VSTM2B: variants seen among roughly 807,000 people sequenced by gnomAD.
The protein encoded by VSTM2B is V-set and transmembrane domain-containing protein 2B.
Under a neutral mutation model 24.0 loss-of-function variants are expected in VSTM2B, and 24 were observed. The observed-to-expected ratio is 1.00, with a 90% CI of 0.72 to 1.40. The LOEUF is 1.40. Ranked by LOEUF, VSTM2B falls within the 40% of genes most tolerant of loss-of-function variation. VSTM2B has a pLI of 0.00. For synonymous variants in VSTM2B, 226 were observed against 194.4 expected (o/e 1.16, Z -1.35); for missense variants, 399 against 416.4 (o/e 0.96, Z 0.36).
At chr19:29,540,182 G>T (rs375116690) in intron 4 of VSTM2B, among the ~76,000 whole-genome samples, 15 of 152,254 alleles carry the variant, frequency 9.9e-5, no homozygotes, top group African/African-American at 3.6e-4. Context: ...CGAGTGGGGG[G>T]TGGGGATTCC....
At chr19:29,534,112 G>C (rs1162082514) in intron 4 of VSTM2B, among the ~76,000 whole-genome samples, 1 of 152,214 alleles carries the variant, frequency 6.6e-6, no homozygotes, top group Non-Finnish European at 1.5e-5. Flanking sequence ...GACAGGGTTA[G>C]GGCAGCCAAC....
rs1969582133 is a variant in VSTM2B at position 29,526,820 on chromosome 19, C to A, written c.82+155C>A. 1.5e-6 allele frequency: 1 copy of A among 646,606 alleles called. No homozygotes were observed. Among genetic ancestry groups the A allele is most frequent in the African/African-American group, 1.9e-5 (1 of 51,932 alleles). The allele number at this position is 646,606 out of a possible 1,614,324, so 40.1% of individuals were successfully genotyped here. Reference sequence around the variant, plus strand: ...GCCCGGAGGGGTAGGGAGAGGCGAGCGGCGAAGGGTCGCCGCAGCAGCAGC... The same window carrying A: ...GCCCGGAGGGGTAGGGAGAGGCGAGAGGCGAAGGGTCGCCGCAGCAGCAGC... On this transcript the variant is annotated intron_variant, in intron 1 of 4. Coordinates refer to ENST00000335523, the MANE Select transcript of VSTM2B (RefSeq NM_001146339.2). The surrounding 1 kb of genome is among the most constrained non-coding windows in gnomAD (Gnocchi z 4.1).
rs1410611005 is a variant in VSTM2B, at chr19:29,526,108, C to A, written c.-476C>A. Among the ~76,000 whole-genome samples, 1 of 151,664 alleles carries A rather than the reference C, an allele frequency of 6.6e-6. No individual in the cohort carries two copies. Among genetic ancestry groups the A allele is most frequent in the Non-Finnish European group, 1.5e-5 (1 of 67,846 alleles). On this transcript the variant is annotated 5_prime_UTR_variant, in exon 1 of 5. Coordinates refer to ENST00000335523, the MANE Select transcript of VSTM2B (RefSeq NM_001146339.2). The surrounding 1 kb of genome is among the most constrained non-coding windows in gnomAD (Gnocchi z 4.1). ...CGCCCACTCGCCCTGCGGAAAGAGC[C>A]GCGGAGGAACCGGCGGGGGCGGCTG...
rs534323442 is a variant in VSTM2B, at chr19:29,537,245, T to C, written c.769+6955T>C. Among the ~76,000 whole-genome samples, 9 of 152,294 alleles carry C rather than the reference T, an allele frequency of 5.9e-5. No individual in the cohort carries two copies. In the East Asian group the frequency reaches 1.7e-3, roughly 29 times the overall value. ...CGTGCTTCTAGGGAAATTAGCCTGC[T>C]TGTCAGTGGCTTTGGTGCTCTCAGG... On this transcript the variant is annotated intron_variant, in intron 4 of 4. Coordinates refer to ENST00000335523, the MANE Select transcript of VSTM2B (RefSeq NM_001146339.2).
In VSTM2B at chr19:29,528,471, G is replaced by T; in HGVS notation, c.297+9G>T. 6.4e-7 allele frequency: 1 copy of T among 1,550,834 alleles called. No individual in the cohort carries two copies. On this transcript the variant is annotated intron_variant, in intron 3 of 4. Coordinates refer to ENST00000335523, the MANE Select transcript of VSTM2B (RefSeq NM_001146339.2). ...ATGCAACTAAAATCAGCGTAAGTGTGGAGCCCAGCGCGGGCCGCGGGAGAC... is the reference window on the plus strand; with the variant it reads ...ATGCAACTAAAATCAGCGTAAGTGTTGAGCCCAGCGCGGGCCGCGGGAGAC...
intron 3 of VSTM2B, among the ~76,000 whole-genome samples, chr19:29,529,333 G>A (rs1969669008): frequency 6.6e-6 from 1 of 152,206 alleles, no homozygotes; most frequent in Admixed American, 6.5e-5. Context: ...TCCTTAGGAA[G>A]CGATTCGGGC....
Position 29,526,946 on chromosome 19 carries a change from C to A in VSTM2B, c.83-265C>A. On this transcript the variant is annotated intron_variant, in intron 1 of 4. Coordinates refer to ENST00000335523, the MANE Select transcript of VSTM2B (RefSeq NM_001146339.2). This position sits in a 1 kb window ranked among gnomAD's most constrained non-coding sequence, Gnocchi z 4.1. Reference sequence around the variant, plus strand: ...GCGCCCCAGCCAGGCTCTGGCGGTGCGGCCAGGGGCGGGGGAGAAGCACGA... The same window carrying A: ...GCGCCCCAGCCAGGCTCTGGCGGTGAGGCCAGGGGCGGGGGAGAAGCACGA... 1 of 426,782 alleles carries A rather than the reference C, an allele frequency of 2.3e-6. No homozygotes were observed. Among genetic ancestry groups the A allele is most frequent in the Middle Eastern group, 6.2e-4 (1 of 1,604 alleles). The allele number at this position is 426,782 out of a possible 1,614,324, so 26.4% of individuals were successfully genotyped here.
rs143729202 is a variant in VSTM2B at position 29,529,035 on chromosome 19, T to A, written c.297+573T>A. The A allele has an allele frequency of 2.5e-3, 2,458 of 985,380 alleles. 51 individuals are homozygous for A. The African/African-American group carries it at 0.04, about 16-fold the overall frequency. The allele number at this position is 985,380 out of a possible 1,614,324, so 61.0% of individuals were successfully genotyped here. On this transcript the variant is annotated intron_variant, in intron 3 of 4. Transcript: ENST00000335523. Reference sequence around the variant, plus strand: ...CTCTGGGAGGAGATGCGCCCAAGCTTCCCACCTGGAGCGTAGAAAGGCCTG... The same window carrying A: ...CTCTGGGAGGAGATGCGCCCAAGCTACCCACCTGGAGCGTAGAAAGGCCTG...
chr19:29,531,103 G>C (rs1278301238), intron 4 of VSTM2B, among the ~76,000 whole-genome samples: 1 of 151,100 alleles, frequency 6.6e-6, no homozygotes, highest in African/African-American at 2.4e-5. Context: ...AGAGGCAGGG[G>C]TGGGGGCGGT....
intron 4 of VSTM2B, among the ~76,000 whole-genome samples, chr19:29,550,932 G>C (rs1214696081): frequency 6.6e-6 from 1 of 152,168 alleles, no homozygotes; most frequent in South Asian, 2.1e-4. Context: ...AGGCCCAAAG[G>C]ATCTCAGCCC....
chr19:29,527,632 C>G (rs1265821543), intron 2 of VSTM2B, among the ~76,000 whole-genome samples: 2 of 152,234 alleles, frequency 1.3e-5, no homozygotes, highest in Non-Finnish European at 2.9e-5. Context: ...CCATTCACGC[C>G]CAGCCCCTAA....
chr19:29,540,425 T>G (rs994465248), intron 4 of VSTM2B, among the ~76,000 whole-genome samples: 5 of 152,238 alleles, frequency 3.3e-5, no homozygotes, highest in Admixed American at 3.3e-4. Flanking sequence ...GGGCTGGTAG[T>G]TGGGAGAAGA....
intron 4 of VSTM2B, among the ~76,000 whole-genome samples, chr19:29,541,334 T>C (rs1970013784): frequency 6.6e-6 from 1 of 152,034 alleles, no homozygotes; most frequent in Non-Finnish European, 1.5e-5. Flanking sequence ...CAAGAGATGA[T>C]GGGGCTTGGA....
At chr19:29,543,189 A>G (rs1443575934) in intron 4 of VSTM2B, among the ~76,000 whole-genome samples, 2 of 152,208 alleles carry the variant, frequency 1.3e-5, no homozygotes, top group Non-Finnish European at 2.9e-5. Flanking sequence ...GGGCAGATAA[A>G]TAACTCTATT....
intron 4 of VSTM2B, among the ~76,000 whole-genome samples, chr19:29,559,061 T>A (rs529025884): frequency 3.3e-4 from 51 of 152,282 alleles, no homozygotes; most frequent in African/African-American, 1.1e-3. Context: ...TGGCTATTCC[T>A]CAAGGATCTA....
At chr19:29,538,431 C>T (rs1382048540) in intron 4 of VSTM2B, among the ~76,000 whole-genome samples, 2 of 152,180 alleles carry the variant, frequency 1.3e-5, no homozygotes, top group Non-Finnish European at 2.9e-5. Context: ...TGGTGTTAAC[C>T]ATCCAGGATC....
At chr19:29,537,486 G>T (rs1969917909) in intron 4 of VSTM2B, among the ~76,000 whole-genome samples, 2 of 152,268 alleles carry the variant, frequency 1.3e-5, no homozygotes, top group South Asian at 2.1e-4. Context: ...CTTGTGCAAA[G>T]CCTGTCCCTG....
chr19:29,556,147 A>C (rs1475717073), intron 4 of VSTM2B, among the ~76,000 whole-genome samples: 1 of 149,346 alleles, frequency 6.7e-6, no homozygotes, highest in African/African-American at 2.6e-5. Context: ...CCTGATGAAC[A>C]TCGATGCAAA....
chr19:29,527,940 T>C (rs1337827115), intron 2 of VSTM2B, among the ~76,000 whole-genome samples: 1 of 152,104 alleles, frequency 6.6e-6, no homozygotes, highest in Non-Finnish European at 1.5e-5. Context: ...TCTAGTGTGC[T>C]CGCGTGCACA....
Sources: allele counts gnomAD v4.1 joint callset (sites outside exome capture counted in the v4.1 genomes callset), GRCh38; gene constraint gnomAD v4.1.1; non-coding constraint Gnocchi (gnomAD v3.1); transcripts MANE v1.5; gene names NCBI Gene and HGNC (gene_info 2026-07-23, HGNC 2026-07-21).